DLGAP2: variants seen among roughly 807,000 people sequenced by gnomAD.
DLGAP2 encodes DLG associated protein 2.
A neutral mutation model predicts 100.3 loss-of-function variants in DLGAP2; 26 were observed. The ratio of observed to expected loss-of-function variants is 0.26; its 90% CI spans 0.19 to 0.36. The LOEUF (loss-of-function observed/expected upper bound fraction) is 0.36. DLGAP2 is among the 10% of genes least tolerant of loss of function. DLGAP2 has a pLI of 1.00. For missense variants in DLGAP2, 1,858 were observed against 1,453.2 expected, an observed-to-expected ratio of 1.28 and a Z score of -4.53; for synonymous variants, 886 against 630.1, an observed-to-expected ratio of 1.41 and a Z score of -6.08.
intron 3 of DLGAP2, among the ~76,000 whole-genome samples, chr8:1,261,807 C>T (rs1166555551): frequency 3.3e-5 from 5 of 152,292 alleles, no homozygotes; most frequent in African/African-American, 4.8e-5. Context: ...GCTGGCTGGG[C>T]GCAGAGAGTG....
intron 2 of DLGAP2, among the ~76,000 whole-genome samples, chr8:1,237,133 C>T (rs1195080855): frequency 2.5e-4 from 4 of 15,840 alleles, no homozygotes; most frequent in Admixed American, 1.8e-3. Context: ...TCACATGGGG[C>T]CGTGTCTAGT....
chr8:1,163,506 C>G (rs376640658), intron 2 of DLGAP2, among the ~76,000 whole-genome samples: 14 of 152,228 alleles, frequency 9.2e-5, no homozygotes, highest in African/African-American at 2.7e-4. Flanking sequence ...CACCAAGATT[C>G]CAAAGACTCG....
intron 1 of DLGAP2, among the ~76,000 whole-genome samples, chr8:741,050 C>T (rs1820468621): frequency 1.3e-5 from 2 of 152,152 alleles, no homozygotes; most frequent in African/African-American, 2.4e-5. Flanking sequence ...CTTAATCAAC[C>T]GTAGTTTTAC....
chr8:1,655,648 G>T (rs570895759), intron 8 of DLGAP2, among the ~76,000 whole-genome samples: 1 of 152,200 alleles, frequency 6.6e-6, no homozygotes, highest in African/African-American at 2.4e-5. Flanking sequence ...ATTCCTCAAA[G>T]CCATGTGAAG....
At chr8:1,292,597 T>G (rs746887584) in intron 3 of DLGAP2, among the ~76,000 whole-genome samples, 21 of 152,220 alleles carry the variant, frequency 1.4e-4, no homozygotes, top group South Asian at 2.1e-4. Context: ...CCCTGAAATA[T>G]TTTTGAAAGT....
chr8:1,319,172 C>A (rs1296340652), intron 3 of DLGAP2, among the ~76,000 whole-genome samples: 1 of 152,122 alleles, frequency 6.6e-6, no homozygotes, highest in East Asian at 1.9e-4. Context: ...TGCCTGGGGC[C>A]CCCATGGCTC....
At chr8:1,092,437 G>A (rs978865219) in intron 2 of DLGAP2, among the ~76,000 whole-genome samples, 36 of 152,170 alleles carry the variant, frequency 2.4e-4, no homozygotes, top group African/African-American at 8.7e-4. Flanking sequence ...GTTGGACTTC[G>A]CACTTTCCCC....
intron 3 of DLGAP2, among the ~76,000 whole-genome samples, chr8:1,442,887 T>C (rs1055457391): frequency 6.6e-6 from 1 of 152,272 alleles, no homozygotes; most frequent in Non-Finnish European, 1.5e-5. Context: ...CACAGGATCC[T>C]GAGTCTAGCT....
At chr8:1,233,020 A>G (rs2116837624) in intron 2 of DLGAP2, among the ~76,000 whole-genome samples, 1 of 152,320 alleles carries the variant, frequency 6.6e-6, no homozygotes, top group East Asian at 1.9e-4. Context: ...TAGGAATAGA[A>G]CCATCTGGCA....
At chr8:1,414,686 CT>C (rs33955442) in intron 3 of DLGAP2, among the ~76,000 whole-genome samples, 59,346 of 152,056 alleles carry the variant, frequency 0.39, 12,755 homozygotes, top group East Asian at 0.65. Context: ...CGTGTCTTGC[CT>C]TTACAAGCAT....
In DLGAP2 at chr8:1,592,317, A is replaced by G. The variant is rs568262433; in HGVS notation, c.1442+26423A>G. ...CGATTATGTTCAGTAAAAATCTTTA[A>G]TTATGAAAACTCTGAAAATCTTCAC... On this transcript the variant is annotated intron_variant, in intron 6 of 14. Coordinates refer to ENST00000637795, the MANE Select transcript of DLGAP2 (RefSeq NM_001346810.2). Among the ~76,000 whole-genome samples, 4 of 152,278 alleles carry G rather than the reference A, an allele frequency of 2.6e-5. No homozygotes were observed. The South Asian group carries it at 8.3e-4, about 32-fold the overall frequency.
At chr8:1,382,616 C>A (rs1471556135) in intron 3 of DLGAP2, among the ~76,000 whole-genome samples, 1 of 151,984 alleles carries the variant, frequency 6.6e-6, no homozygotes, top group African/African-American at 2.4e-5. Flanking sequence ...GTGGTGTGTG[C>A]CTGCAGTCCC....
At chr8:1,284,093 C>A (rs577167393) in intron 3 of DLGAP2, among the ~76,000 whole-genome samples, 1 of 152,312 alleles carries the variant, frequency 6.6e-6, no homozygotes, top group African/African-American at 2.4e-5. Context: ...TACTATTGCC[C>A]TGTCCTTAGA....
At position 1,660,933 on chromosome 8, in the gene DLGAP2, G is replaced by A. The variant is rs142691541; in HGVS notation, c.1811-7396G>A. 1.5e-3 allele frequency among the ~76,000 whole-genome samples: 233 copies of A among 152,286 alleles called. 2 individuals are homozygous for A. The South Asian group carries it at 0.02, about 13-fold the overall frequency. On this transcript the variant is annotated intron_variant, in intron 8 of 14. Coordinates refer to ENST00000637795, the MANE Select transcript of DLGAP2 (RefSeq NM_001346810.2). ...GAAGAATACACGGCACCGTGATTCCGTAGCTAATACCGCAACTTTCAGCAA... is the reference window on the plus strand; with the variant it reads ...GAAGAATACACGGCACCGTGATTCCATAGCTAATACCGCAACTTTCAGCAA...
intron 3 of DLGAP2, among the ~76,000 whole-genome samples, chr8:1,283,165 G>C (rs1477658446): frequency 6.7e-6 from 1 of 148,822 alleles, no homozygotes; most frequent in East Asian, 2.0e-4. Flanking sequence ...ATCTGGACGT[G>C]GTGTGACCTG....
intron 1 of DLGAP2, among the ~76,000 whole-genome samples, chr8:820,530 A>G (rs149369637): frequency 1.7e-4 from 26 of 152,288 alleles, no homozygotes; most frequent in African/African-American, 6.0e-4. Context: ...GAAACAGTTT[A>G]CACAGAAATT....
At chr8:1,590,550 G>C (rs1239090404) in intron 6 of DLGAP2, among the ~76,000 whole-genome samples, 3 of 152,166 alleles carry the variant, frequency 2.0e-5, no homozygotes, top group Non-Finnish European at 4.4e-5. Flanking sequence ...TCAGTTATCT[G>C]TCTTCAAATC....
At chr8:1,028,277 G>T (rs1218070191) in intron 2 of DLGAP2, among the ~76,000 whole-genome samples, 58 of 137,480 alleles carry the variant, frequency 4.2e-4, no homozygotes, top group East Asian at 3.0e-3. Context: ...CTCCAGGTGG[G>T]GTGTCAGGCG....
chr8:1,691,214 A>G (rs1799252637), intron 12 of DLGAP2, among the ~76,000 whole-genome samples: 2 of 152,230 alleles, frequency 1.3e-5, no homozygotes, highest in African/African-American at 4.8e-5. Flanking sequence ...CTTCCAGCTC[A>G]TCCAAACAGC....
Sources: allele counts gnomAD v4.1 joint callset (sites outside exome capture counted in the v4.1 genomes callset), GRCh38; gene constraint gnomAD v4.1.1; transcripts MANE v1.5; gene names NCBI Gene and HGNC (gene_info 2026-07-23, HGNC 2026-07-21).